INPP4A: variants seen among roughly 807,000 people sequenced by gnomAD.
The protein encoded by INPP4A is inositol polyphosphate-4-phosphatase type I A.
Under a neutral mutation model 119.8 loss-of-function variants are expected in INPP4A, and 33 were observed. The observed-to-expected ratio is 0.28, with a 90% CI of 0.21 to 0.37. The LOEUF is 0.37. Among genes scored for constraint, INPP4A ranks in the 10% least tolerant of loss-of-function variants. The pLI is 1.00. For synonymous variants in INPP4A, 496 were observed against 500.7 expected (o/e 0.99, Z 0.12); for missense variants, 956 against 1,289.9 (o/e 0.74, Z 3.97).
chr2:98,532,304 A>G (rs575951408), intron 4 of INPP4A, among the ~76,000 whole-genome samples: 1 of 149,648 alleles, frequency 6.7e-6, no homozygotes, highest in African/African-American at 2.5e-5. Flanking sequence ...TCATCCCATC[A>G]CTCCTCCTCT....
intron 1 of INPP4A, among the ~76,000 whole-genome samples, chr2:98,489,378 A>G (rs1289935645): frequency 6.6e-6 from 1 of 152,088 alleles, no homozygotes; most frequent in Non-Finnish European, 1.5e-5. Flanking sequence ...GCCTTAGTGG[A>G]TAAAACTGAC....
At position 98,506,930 on chromosome 2, in the gene INPP4A, A is replaced by G. The variant is rs148092670; in HGVS notation, c.-165-12034A>G. 7.4e-3 allele frequency among the ~76,000 whole-genome samples: 1,134 copies of G among 152,374 alleles called. 15 individuals carry two copies. Among genetic ancestry groups the G allele is most frequent in the Middle Eastern group, 0.031 (9 of 294 alleles). On this transcript the variant is annotated intron_variant, in intron 1 of 24. Coordinates refer to ENST00000409851, the MANE Select transcript of INPP4A (RefSeq NM_001134225.2). ...CCTAAAGCTGCGTTTGTTTCCTGAA[A>G]CAATCTTGATTTCATTCAGAGGAGG... is the stretch of plus-strand genomic sequence containing the variant.
chr2:98,475,980 C>A (rs1677126023), intron 1 of INPP4A, among the ~76,000 whole-genome samples: 1 of 152,188 alleles, frequency 6.6e-6, no homozygotes, highest in Non-Finnish European at 1.5e-5. Context: ...CACAGGTAAT[C>A]CAGATTTGAT....
intron 1 of INPP4A, among the ~76,000 whole-genome samples, chr2:98,469,072 C>T (rs1675418201): frequency 6.6e-6 from 1 of 152,208 alleles, no homozygotes; most frequent in East Asian, 1.9e-4. Context: ...AAAAACATGG[C>T]AGCCTGCCCT....
chr2:98,582,772 A>G (rs1283936178), intron 24 of INPP4A, among the ~76,000 whole-genome samples: 3 of 151,560 alleles, frequency 2.0e-5, no homozygotes, highest in African/African-American at 7.3e-5. Flanking sequence ...TCTACTGCAT[A>G]CACCAGACAG....
At chr2:98,506,362 C>T (rs1684040737) in intron 1 of INPP4A, among the ~76,000 whole-genome samples, 1 of 152,246 alleles carries the variant, frequency 6.6e-6, no homozygotes, top group South Asian at 2.1e-4. Flanking sequence ...TGAGGGAGCC[C>T]CTCTACCATT....
intron 9 of INPP4A, 56 bp downstream of exon 9, chr2:98,539,037 C>G (rs1690879897): frequency 9.9e-7 from 1 of 1,008,144 alleles, no homozygotes; most frequent in African/African-American, 1.6e-5. Flanking sequence ...CCACTTGGGC[C>G]CGCAGTCCCC....
At chr2:98,583,983 T>C (rs1016964899) in intron 24 of INPP4A, among the ~76,000 whole-genome samples, 10 of 152,234 alleles carry the variant, frequency 6.6e-5, no homozygotes, top group Admixed American at 1.3e-4. Flanking sequence ...TCCACGCTTC[T>C]CCAAGTGCAG....
chr2:98,521,018 G>C, intron 4 of INPP4A: 1 of 304,900 alleles, frequency 3.3e-6, no homozygotes, highest in Non-Finnish European at 6.0e-6. Flanking sequence ...AGCCCACCTA[G>C]AGCTGCCAAC....
chr2:98,485,806 A>G (rs545642500), intron 1 of INPP4A, among the ~76,000 whole-genome samples: 1 of 152,324 alleles, frequency 6.6e-6, no homozygotes, highest in East Asian at 1.9e-4. Context: ...GACTGAGAAA[A>G]TAGACATCTA....
intron 17 of INPP4A, among the ~76,000 whole-genome samples, 187 bp downstream of exon 17, chr2:98,559,682 AT>A (rs1191954508): frequency 6.6e-6 from 1 of 152,184 alleles, no homozygotes; most frequent in Non-Finnish European, 1.5e-5. Flanking sequence ...GGCTGAGGAA[AT>A]TGTGGCCTGA....
intron 10 of INPP4A, among the ~76,000 whole-genome samples, chr2:98,540,120 T>G (rs781329447): frequency 6.6e-6 from 1 of 152,120 alleles, no homozygotes; most frequent in African/African-American, 2.4e-5. Flanking sequence ...TTAGTAGATA[T>G]GGTGTTTCAC....
intron 1 of INPP4A, among the ~76,000 whole-genome samples, chr2:98,510,855 T>C (rs1434925649): frequency 6.6e-6 from 1 of 152,206 alleles, no homozygotes; most frequent in Non-Finnish European, 1.5e-5. Flanking sequence ...ATGAGGCATG[T>C]CAGTTAAGTA....
At chr2:98,571,284 G>A (rs1697392076) in intron 22 of INPP4A, among the ~76,000 whole-genome samples, 1 of 152,258 alleles carries the variant, frequency 6.6e-6, no homozygotes, top group Non-Finnish European at 1.5e-5. Context: ...ACTGAGGCAT[G>A]GAGGGCAAGT....
intron 7 of INPP4A, among the ~76,000 whole-genome samples, chr2:98,537,046 G>A (rs1574970891): frequency 6.6e-6 from 1 of 152,156 alleles, no homozygotes; most frequent in Non-Finnish European, 1.5e-5. Flanking sequence ...CTCTAGTTGG[G>A]TTAGAGTTAA....
intron 1 of INPP4A, among the ~76,000 whole-genome samples, chr2:98,484,973 C>G (rs1469385897): frequency 6.6e-6 from 1 of 151,668 alleles, no homozygotes; most frequent in Non-Finnish European, 1.5e-5. Flanking sequence ...GTCTGAGATC[C>G]CACCGAGAGT....
At chr2:98,575,863 G>A (rs985842373) in intron 23 of INPP4A, among the ~76,000 whole-genome samples, 4 of 152,142 alleles carry the variant, frequency 2.6e-5, no homozygotes, top group African/African-American at 9.7e-5. Context: ...TATCTGATAC[G>A]GTGCATAGTC....
intron 1 of INPP4A, among the ~76,000 whole-genome samples, chr2:98,518,012 G>A (rs1364698903): frequency 1.3e-5 from 2 of 152,214 alleles, no homozygotes; most frequent in African/African-American, 4.8e-5. Context: ...TACTTAATGA[G>A]TTTGGTCACT....
At chr2:98,564,610 C>T (rs765165023) in intron 18 of INPP4A, 30 bp from the exon 19 acceptor site, 2 of 1,612,026 alleles carry the variant, frequency 1.2e-6, no homozygotes, top group Non-Finnish European at 1.7e-6. Context: ...GGCACCTGAC[C>T]CTGAACCTCT....
Sources: gnomAD v4.1 joint callset for allele counts (sites outside exome capture counted in the v4.1 genomes callset) on GRCh38, gnomAD v4.1.1 for gene constraint, MANE v1.5 for transcripts, NCBI Gene and HGNC (gene_info 2026-07-23, HGNC 2026-07-21) for gene names.